Variants in C19orf47 observed in about 807,000 individuals in gnomAD.
The protein encoded by C19orf47 is chromosome 19 open reading frame 47.
Under a neutral mutation model 32.3 loss-of-function variants are expected in C19orf47, and 18 were observed. That is an observed-to-expected ratio of 0.56 (90% CI 0.39 to 0.83). The LOEUF is 0.83. Ranked by LOEUF, C19orf47 falls within the 40% of genes least tolerant of loss-of-function variation. The pLI, the probability that C19orf47 is intolerant of heterozygous loss-of-function variation, is 0.00. For missense variants in C19orf47, 484 were observed against 531.6 expected, an observed-to-expected ratio of 0.91 and a Z score of 0.88; for synonymous variants, 202 against 211.1, an observed-to-expected ratio of 0.96 and a Z score of 0.37.
chr19:40,313,912 C>G, the C19orf47 span, among the ~76,000 whole-genome samples: 2 of 148,906 alleles, frequency 1.3e-5, no homozygotes, highest in African/African-American at 5.0e-5. Context: ...GCCTGGGCAA[C>G]AGAGGGAGAC....
chr19:40,338,319 A>G (rs2078109615), intron 2 of C19orf47, among the ~76,000 whole-genome samples: 1 of 148,104 alleles, frequency 6.8e-6, no homozygotes, highest in Non-Finnish European at 1.5e-5. Context: ...ATATATATAC[A>G]CAAATATATA....
intron 1 of C19orf47, among the ~76,000 whole-genome samples, chr19:40,343,220 C>G (rs1207264679): frequency 6.6e-6 from 1 of 152,102 alleles, no homozygotes; most frequent in African/African-American, 2.4e-5. Flanking sequence ...AATACTGATC[C>G]TCCCTCACCC....
upstream of C19orf47, chr19:40,348,464 G>A (rs761194118): frequency 7.3e-6 from 11 of 1,499,198 alleles, no homozygotes; most frequent in Admixed American, 2.2e-5. Context: ...ACTCGTCCGC[G>A]GCCGCTCTAC....
intron 1 of C19orf47, among the ~76,000 whole-genome samples, chr19:40,346,924 T>A (rs186164726): frequency 6.6e-6 from 1 of 150,756 alleles, no homozygotes; most frequent in Admixed American, 6.6e-5. Flanking sequence ...CGATGTTAAG[T>A]GTGCATCAAA....
chr19:40,319,532 T>G, downstream of C19orf47: 1 of 150,314 alleles, frequency 6.7e-6, no homozygotes, highest in Non-Finnish European at 1.5e-5. Flanking sequence ...ACCAGGCCCT[T>G]GGCTTTTTTT....
At position 40,322,124 on chromosome 19, in the gene C19orf47, T is replaced by G; in HGVS notation, c.916A>C (p.Lys306Gln). ...CTGACTTTAGACAAGGACTCCGGCT[T>G]CCTCTCAAGCCCAGACCGTGAGGAA... ...ALSSRSGLER[K>Q]PESLSKVSII... The change falls in exon 9 of 9, where the codon AAG becomes CAG. Residue 306 changes from lysine (K) to glutamine (Q), a missense_variant. This residue lies in a region of C19orf47 where 376 missense variants were observed against 370.2 expected (regional missense o/e 1.02). Transcript: ENST00000683109. 1 of 1,614,104 alleles carries G rather than the reference T, an allele frequency of 6.2e-7. No individual in the cohort carries two copies. Among genetic ancestry groups the G allele is most frequent in the Non-Finnish European group, 8.5e-7 (1 of 1,180,024 alleles).
the C19orf47 span, among the ~76,000 whole-genome samples, chr19:40,297,167 C>G: frequency 6.6e-6 from 1 of 151,868 alleles, no homozygotes; most frequent in Non-Finnish European, 1.5e-5. Context: ...TTCTGACTTA[C>G]AAAAAAAATT....
chr19:40,332,288 C>T lies in C19orf47; in HGVS notation c.301+1563G>A, dbSNP rs544258987. On this transcript the variant is annotated intron_variant, in intron 5 of 8. Coordinates refer to ENST00000683109, the MANE Select transcript of C19orf47 (RefSeq NM_001256441.2). ...CACAAGAATCACTTAACCTGGGAGG[C>T]AGAGTTTGCAGTTAGCTAAGCGTGC... is the stretch of plus-strand genomic sequence containing the variant. 4.0e-5 allele frequency among the ~76,000 whole-genome samples: 6 copies of T among 151,698 alleles called. No individual in the cohort carries two copies. The South Asian group carries it at 6.2e-4, about 16-fold the overall frequency.
At chr19:40,329,575 C>A (rs1483541132) in intron 5 of C19orf47, among the ~76,000 whole-genome samples, 2 of 152,120 alleles carry the variant, frequency 1.3e-5, no homozygotes, top group African/African-American at 2.4e-5. Flanking sequence ...ACGTGACCCC[C>A]AAGCACCCAG....
chr19:40,323,975 C>T (rs774230071), intron 8 of C19orf47, 31 bp downstream of exon 8: 27 of 1,613,222 alleles, frequency 1.7e-5, no homozygotes, highest in Middle Eastern at 1.6e-4. Flanking sequence ...ACAGCTCGCA[C>T]GCCCAGAATC....
downstream of C19orf47, among the ~76,000 whole-genome samples, chr19:40,317,030 TA>T (rs1460513314): frequency 2.0e-5 from 3 of 152,154 alleles, no homozygotes; most frequent in South Asian, 2.1e-4. Flanking sequence ...AGGAAGGGAC[TA>T]GGGGGCTAGG....
At chr19:40,303,800 T>C in the C19orf47 span, among the ~76,000 whole-genome samples, 1 of 105,258 alleles carries the variant, frequency 9.5e-6, no homozygotes, top group Non-Finnish European at 1.8e-5. Flanking sequence ...CGAGACTTTG[T>C]CTGAAAAAAA....
At chr19:40,334,046 C>G in intron 4 of C19orf47, 117 bp from the exon 5 acceptor site, 1 of 658,748 alleles carries the variant, frequency 1.5e-6, no homozygotes, top group Non-Finnish European at 2.5e-6. Context: ...TAACACATTT[C>G]ACTCCTAACC....
chr19:40,304,033 T>A, the C19orf47 span, among the ~76,000 whole-genome samples: 3 of 152,170 alleles, frequency 2.0e-5, no homozygotes, highest in African/African-American at 7.2e-5. Context: ...AATACCTGTT[T>A]GCTTGTGCCA....
intron 7 of C19orf47, 82 bp from the exon 8 acceptor site, chr19:40,324,158 C>G: frequency 7.5e-7 from 1 of 1,340,054 alleles, no homozygotes; most frequent in Middle Eastern, 1.8e-4. Flanking sequence ...CAAGGCAGCC[C>G]AGACACCAGT....
intron 7 of C19orf47, among the ~76,000 whole-genome samples, chr19:40,325,089 A>C: frequency 6.7e-6 from 1 of 149,878 alleles, no homozygotes; most frequent in East Asian, 2.0e-4. Flanking sequence ...GGCCAACATG[A>C]TGAAACCCCG....
intron 8 of C19orf47, 27 bp downstream of exon 8, chr19:40,323,979 C>T (rs2077775188): frequency 8.7e-6 from 14 of 1,613,800 alleles, no homozygotes; most frequent in Non-Finnish European, 1.1e-5. Context: ...CTCGCACGCC[C>T]AGAATCGCTC....
rs2077884073 is a variant in C19orf47, at chr19:40,328,565, GGA to G, written c.302-17_302-16del. On this transcript the variant is annotated splice_polypyrimidine_tract_variant and intron_variant, in intron 5 of 8. Coordinates refer to ENST00000683109, the MANE Select transcript of C19orf47 (RefSeq NM_001256441.2). ...TCGGGAGGCAGCTGTGGGGAGAAAA[GGA>G]GAGTCCGGTCGGGTGGGGTCCTGGA... 6.3e-7 allele frequency: 1 copy of G among 1,597,544 alleles called. No homozygotes were observed. Among genetic ancestry groups the G allele is most frequent in the Non-Finnish European group, 8.5e-7 (1 of 1,172,908 alleles).
chr19:40,335,852 G>A (rs183833391), intron 4 of C19orf47, among the ~76,000 whole-genome samples: 2 of 152,248 alleles, frequency 1.3e-5, no homozygotes, highest in African/African-American at 4.8e-5. Context: ...TTCGTGATCC[G>A]ACCACCTCGG....
Sources: gnomAD v4.1 joint callset for allele counts (sites outside exome capture counted in the v4.1 genomes callset) on GRCh38, gnomAD v4.1.1 for gene constraint, gnomAD v4.1.1 regional missense constraint, MANE v1.5 for transcripts, NCBI Gene and HGNC (gene_info 2026-07-23, HGNC 2026-07-21) for gene names.